Variants in NYNRIN observed in about 807,000 individuals in gnomAD.
The protein encoded by NYNRIN is NYN domain and retroviral integrase containing, also known as protein NYNRIN.
Under a neutral mutation model 146.6 loss-of-function variants are expected in NYNRIN, and 86 were observed. That is an observed-to-expected ratio of 0.59 (90% CI 0.49 to 0.70). NYNRIN has a LOEUF of 0.70. Among genes scored for constraint, NYNRIN ranks in the 30% least tolerant of loss-of-function variants. NYNRIN has a pLI of 0.00. For missense variants in NYNRIN, 2,191 were observed against 2,377.7 expected, an observed-to-expected ratio of 0.92 and a Z score of 1.63; for synonymous variants, 1,027 against 1,001.3, an observed-to-expected ratio of 1.03 and a Z score of -0.48.
chr14:24,418,959 A>G lies in NYNRIN; in HGVS notation c.*1513A>G, dbSNP rs2042966414. 2 of 152,238 alleles carry G rather than the reference A, an allele frequency of 1.3e-5. No individual in the cohort carries two copies. The highest frequency in any genetic ancestry group is 2.9e-5 in the Non-Finnish European group (2 of 68,058). 9.4% of individuals were successfully genotyped at this position (152,238 alleles called of 1,614,324 possible). ...GAATCCTTCAAAATGCTACACCCAC[A>G]TTCTCTCCAACTCTTCATCTCCCTG... On this transcript the variant is annotated 3_prime_UTR_variant, in exon 9 of 9. Coordinates refer to ENST00000382554, the MANE Select transcript of NYNRIN (RefSeq NM_025081.3).
At position 24,414,755 on chromosome 14, in the gene NYNRIN, G is replaced by GGAGCAGAGACAGGGGCA; in HGVS notation, c.3008_3024dup (p.Gly1009SerfsTer112). 1 of 1,613,774 alleles carries GGAGCAGAGACAGGGGCA rather than the reference G, an allele frequency of 6.2e-7. No homozygotes were observed. Among genetic ancestry groups the GGAGCAGAGACAGGGGCA allele is most frequent in the Non-Finnish European group, 8.5e-7 (1 of 1,179,786 alleles). On this transcript the variant is annotated frameshift_variant, in exon 9 of 9. Transcript: ENST00000382554. LOFTEE classifies it high-confidence loss of function. Reference sequence around the variant, plus strand: ...AAGAGAAGGAGGAGAGGCAGGATGAGGAGCAGAGACAGGGGCAGGGCACAC... The same window carrying GGAGCAGAGACAGGGGCA: ...AAGAGAAGGAGGAGAGGCAGGATGAGGAGCAGAGACAGGGGCAGAGCAGAGACAGGGGCAGGGCACAC...
At position 24,416,024 on chromosome 14, in the gene NYNRIN, G is replaced by A. The variant is rs766979657; in HGVS notation, c.4275G>A (p.Pro1425=). The change falls in exon 9 of 9, where the codon CCG becomes CCA. Residue 1425 remains proline (P), a synonymous_variant. Coordinates refer to ENST00000382554, the MANE Select transcript of NYNRIN (RefSeq NM_025081.3). ...TCACCTCTGGCCTCTCATCCCTTCC[G>A]TTTATCTACCGAACCTCCTACCGGG... is the stretch of plus-strand genomic sequence containing the variant. ...ISLTSGLSSL[P]FIYRTSYRGS... 5.6e-6 allele frequency: 9 copies of A among 1,613,840 alleles called. No individual in the cohort carries two copies. The highest frequency in any genetic ancestry group is 1.1e-5 in the South Asian group (1 of 91,088).
In NYNRIN at chr14:24,407,931, G is replaced by A; in HGVS notation, c.261G>A (p.Leu87=). The A allele has an allele frequency of 1.2e-6, 2 of 1,613,962 alleles. No individual in the cohort carries two copies. Among genetic ancestry groups the A allele is most frequent in the South Asian group, 1.1e-5 (1 of 91,088 alleles). ...AAGAGGTTCGCTACCCACCGATCCT[G>A]CACTGTGCCTTCCTTGGGGCCCAAG... ...LWKEVRYPPI[L]HCAFLGAQGL... is the part of the protein sequence containing the mutation. Residue 87 remains leucine, a synonymous_variant, in exon 3 of 9, where the codon CTG becomes CTA. Coordinates refer to ENST00000382554, the MANE Select transcript of NYNRIN (RefSeq NM_025081.3).
Position 24,408,648 on chromosome 14 carries a change from C to T in NYNRIN, c.858-4C>T. ...CCTTTTCAATGAACTTGGGCTTCCT[C>T]CAGGGTCGGTTCCAACAACCAAGAT... On this transcript the variant is annotated splice_region_variant and splice_polypyrimidine_tract_variant and intron_variant, in intron 3 of 8. Transcript: ENST00000382554. 6.3e-7 allele frequency: 1 copy of T among 1,591,600 alleles called. No homozygotes were observed. The highest frequency in any genetic ancestry group is 8.5e-7 in the Non-Finnish European group (1 of 1,169,640).
intron 2 of NYNRIN, among the ~76,000 whole-genome samples, chr14:24,401,395 C>A (rs1476260572): frequency 1.3e-5 from 2 of 150,482 alleles, no homozygotes; most frequent in East Asian, 1.9e-4. Flanking sequence ...ATAAAGGAGA[C>A]TTTGTTGGCA....
chr14:24,399,447 A>G lies in NYNRIN; in HGVS notation c.198+3A>G, dbSNP rs1244348014. Reference sequence around the variant, plus strand: ...GAGAGAACATGGGCAAAGCCAAGGTAAACAGCTTCTCCCCACCCCCACCCA... The same window carrying G: ...GAGAGAACATGGGCAAAGCCAAGGTGAACAGCTTCTCCCCACCCCCACCCA... On this transcript the variant is annotated splice_donor_region_variant and intron_variant, in intron 2 of 8. Coordinates refer to ENST00000382554, the MANE Select transcript of NYNRIN (RefSeq NM_025081.3). 6.2e-7 allele frequency: 1 copy of G among 1,605,788 alleles called. No individual in the cohort carries two copies. The highest frequency in any genetic ancestry group is 8.5e-7 in the Non-Finnish European group (1 of 1,175,670).
chr14:24,408,048 T>C lies in NYNRIN; in HGVS notation c.378T>C (p.Ser126=). 1 of 1,613,980 alleles carries C rather than the reference T, an allele frequency of 6.2e-7. No homozygotes were observed. Among genetic ancestry groups the C allele is most frequent in the Non-Finnish European group, 8.5e-7 (1 of 1,179,884 alleles). The change falls in exon 3 of 9, where the codon TCT becomes TCC. Residue 126 remains serine (S), a synonymous_variant. Coordinates refer to ENST00000382554, the MANE Select transcript of NYNRIN (RefSeq NM_025081.3). ...GSLMVGGLTE[S]FIMTQNWLEE... ...TGATGGTGGGCGGGCTGACTGAGTC[T>C]TTCATCATGACACAGAACTGGCTGG...
rs10148781 is a variant in NYNRIN, at chr14:24,408,009, C to A, written c.339C>A (p.Gly113=). 1 of 1,613,878 alleles carries A rather than the reference C, an allele frequency of 6.2e-7. No homozygotes were observed. Residue 113 remains glycine (G), a synonymous_variant, in exon 3 of 9, where the codon GGC becomes GGA. Coordinates refer to ENST00000382554, the MANE Select transcript of NYNRIN (RefSeq NM_025081.3). ...GCACCCTTGCCTACCTGGTGCCTGG[C>A]CCCCCTGGCTCCCTGATGGTGGGCG... ...CWSTLAYLVP[G]PPGSLMVGGL...
Position 24,415,979 on chromosome 14 carries a change from G to C in NYNRIN, c.4230G>C (p.Leu1410=). The change falls in exon 9 of 9, where the codon CTG becomes CTC. Residue 1410 remains leucine, a synonymous_variant. Transcript: ENST00000382554. The part of the protein sequence containing the change: ...SDGAPLPHPS[L]LSYIISLTSG... The stretch of plus-strand genomic sequence containing the variant: ...GGGCTCCACTCCCTCACCCAAGCCT[G>C]CTCTCCTACATTATATCCCTCACCT... 1 of 1,613,916 alleles carries C rather than the reference G, an allele frequency of 6.2e-7. No individual in the cohort carries two copies. The highest frequency in any genetic ancestry group is 8.5e-7 in the Non-Finnish European group (1 of 1,179,888).
In NYNRIN at chr14:24,417,638, G is replaced by A; in HGVS notation, c.*192G>A. ...TCCCCATGGAAACATCCCCAGTTTG[G>A]GGTACTTGGAGAATTTGCCAAAGGC... On this transcript the variant is annotated 3_prime_UTR_variant, in exon 9 of 9. Transcript: ENST00000382554. 1.2e-6 allele frequency: 1 copy of A among 816,346 alleles called. No individual in the cohort carries two copies. Among genetic ancestry groups the A allele is most frequent in the Non-Finnish European group, 1.7e-6 (1 of 576,762 alleles). The allele number at this position is 816,346 out of a possible 1,614,324, so 50.6% of individuals were successfully genotyped here. A position where few individuals can be genotyped will look rare whatever the true frequency, so the allele number is the denominator to read the frequency against.
rs756436033 is a variant in NYNRIN, at chr14:24,399,355, G to A, written c.109G>A (p.Val37Ile). 1.4e-5 allele frequency: 22 copies of A among 1,613,750 alleles called. No individual in the cohort carries two copies. The highest frequency in any genetic ancestry group is 1.8e-5 in the Non-Finnish European group (21 of 1,179,856). ...QRLQVQRIFR[V>I]KLNAFQSRPD... Reference sequence around the variant, plus strand: ...GCTGCAAGTGCAGCGCATCTTTAGGGTCAAGCTGAACGCCTTCCAGAGCCG... The same window carrying A: ...GCTGCAAGTGCAGCGCATCTTTAGGATCAAGCTGAACGCCTTCCAGAGCCG... Residue 37 changes from valine (V) to isoleucine (I), a missense_variant, in exon 2 of 9, where the codon GTC becomes ATC. Transcript: ENST00000382554.
chr14:24,413,276 G>A, intron 7 of NYNRIN, 40 bp from the exon 8 acceptor site: 1 of 1,574,550 alleles, frequency 6.4e-7, no homozygotes, highest in Non-Finnish European at 8.7e-7. Flanking sequence ...GGTGGGTCAA[G>A]GGCTCACAGT....
At chr14:24,407,633 C>G (rs1056838624) in intron 2 of NYNRIN, among the ~76,000 whole-genome samples, 12 of 152,194 alleles carry the variant, frequency 7.9e-5, no homozygotes, top group African/African-American at 2.7e-4. Context: ...TTTCCCTCCT[C>G]TCTCCCAGGC....
Position 24,416,577 on chromosome 14 carries a change from T to TCGA in NYNRIN, c.4830_4832dup (p.Thr1611dup), listed in dbSNP as rs1298686520. 1.2e-6 allele frequency: 2 copies of TCGA among 1,613,788 alleles called. No individual in the cohort carries two copies. The highest frequency in any genetic ancestry group is 2.7e-5 in the African/African-American group (2 of 74,912). ...TATTGAGTCCCCATGGCCCCTCAGGTCGACCGCCCCCTGGTCGAACCTGCA... is the reference window on the plus strand; with the variant it reads ...TATTGAGTCCCCATGGCCCCTCAGGTCGACGACCGCCCCCTGGTCGAACCTGCA... On this transcript the variant is annotated inframe_insertion, in exon 9 of 9. Transcript: ENST00000382554.
Position 24,415,756 on chromosome 14 carries a change from GC to G in NYNRIN, c.4013del (p.Pro1338LeufsTer102), listed in dbSNP as rs2042940784. On this transcript the variant is annotated frameshift_variant, in exon 9 of 9. Transcript: ENST00000382554. LOFTEE classifies it high-confidence loss of function. Reference protein sequence around the residue: ...GFGLYVLSPTSPPVSLSFSCS... With the variant: ...GFGLYVLSPTXPPVSLSFSCS... ...GGTCTCTATGTTCTATCGCCCACCA[GC>G]CCCCCTGTCTCCCTTTCCTTCTCCT... 1.9e-6 allele frequency: 3 copies of G among 1,613,764 alleles called. No individual in the cohort carries two copies. Among genetic ancestry groups the G allele is most frequent in the Non-Finnish European group, 1.7e-6 (2 of 1,179,794 alleles).
intron 8 of NYNRIN, 107 bp from the exon 9 acceptor site, chr14:24,414,489 G>A: frequency 7.0e-7 from 1 of 1,429,540 alleles, no homozygotes; most frequent in South Asian, 1.6e-5. Flanking sequence ...TTGGCACTTG[G>A]CCCAGCCTCA....
At chr14:24,402,878 G>T (rs1447667371) in intron 2 of NYNRIN, among the ~76,000 whole-genome samples, 2 of 152,188 alleles carry the variant, frequency 1.3e-5, no homozygotes, top group Admixed American at 6.5e-5. Context: ...GCACACAGAG[G>T]TTCCCTGCCC....
In NYNRIN at chr14:24,411,563, G is replaced by T. The variant is rs989676011; in HGVS notation, c.2642+113G>T. 1 of 898,600 alleles carries T rather than the reference G, an allele frequency of 1.1e-6. No individual in the cohort carries two copies. Among genetic ancestry groups the T allele is most frequent in the South Asian group, 1.4e-5 (1 of 69,584 alleles). The allele number at this position is 898,600 out of a possible 1,614,324, so 55.7% of individuals were successfully genotyped here. ...GGAAATGGAGGCAAACATGTTGGGGGTGTCGGTTGTGCAGAGGGTGGGGTG... is the reference window on the plus strand; with the variant it reads ...GGAAATGGAGGCAAACATGTTGGGGTTGTCGGTTGTGCAGAGGGTGGGGTG... On this transcript the variant is annotated intron_variant, in intron 6 of 8. Transcript: ENST00000382554. The surrounding 1 kb of genome is among the most constrained non-coding windows in gnomAD (Gnocchi z 4.3).
At position 24,416,083 on chromosome 14, in the gene NYNRIN, C is replaced by G; in HGVS notation, c.4334C>G (p.Ala1445Gly). 6.2e-7 allele frequency: 1 copy of G among 1,613,982 alleles called. No individual in the cohort carries two copies. Among genetic ancestry groups the G allele is most frequent in the Non-Finnish European group, 8.5e-7 (1 of 1,179,862 alleles). The change falls in exon 9 of 9, where the codon GCC (alanine) becomes GGC (glycine). Residue 1445 changes from alanine to glycine, a missense_variant. By Grantham distance (60) the Ala-to-Gly change is moderately conservative. This residue lies in a region of NYNRIN where 1,291 missense variants were observed against 1,417.0 expected (regional missense o/e 0.91). Transcript: ENST00000382554. ...TTTGCTGTGACAGTGGACACCCTGG[C>G]CAAGCAGGGTGCCCAGGGGGGTGGG... Reference protein sequence around the residue: ...SLFAVTVDTLAKQGAQGGGQW... With the variant: ...SLFAVTVDTLGKQGAQGGGQW...
Sources: gnomAD v4.1 joint callset for allele counts (sites outside exome capture counted in the v4.1 genomes callset) on GRCh38, gnomAD v4.1.1 for gene constraint, gnomAD v4.1.1 regional missense constraint, Gnocchi (gnomAD v3.1) non-coding constraint, MANE v1.5 for transcripts, NCBI Gene and HGNC (gene_info 2026-07-23, HGNC 2026-07-21) for gene names.